The following RAPGEF1 variants were observed in gnomAD, a reference collection of about 807,000 sequenced individuals.
RAPGEF1 encodes CRK SH3-binding GNRP.
RAPGEF1 carries 33 observed loss-of-function variants against 143.3 expected under a neutral mutation model. The observed-to-expected ratio is 0.23, with a 90% CI of 0.17 to 0.31. RAPGEF1 has a LOEUF of 0.31. Ranked by LOEUF, RAPGEF1 falls within the 10% of genes least tolerant of loss-of-function variation. The pLI is 1.00. For synonymous variants in RAPGEF1, 629 were observed against 676.5 expected, an observed-to-expected ratio of 0.93 and a Z score of 1.09; for missense variants, 1,199 against 1,645.4, an observed-to-expected ratio of 0.73 and a Z score of 4.69.
Position 131,621,844 on chromosome 9 carries a change from C to A in RAPGEF1, c.1857G>T (p.Val619=). 6.2e-7 allele frequency: 1 copy of A among 1,611,220 alleles called. No individual in the cohort carries two copies. Among genetic ancestry groups the A allele is most frequent in the Non-Finnish European group, 8.5e-7 (1 of 1,178,792 alleles). Residue 619 remains valine (V), a synonymous_variant, in exon 11 of 27, where the codon GTG becomes GTT. Transcript: ENST00000683357. The surrounding 1 kb of genome is among the most constrained non-coding windows in gnomAD (Gnocchi z 4.5). ...GGGCGGGCGGCGGGGCCAGCTCCTG[C>A]ACGGAGTCCACCCCACTGAAGGAGT... The part of the protein sequence containing the change: ...FSDSFSGVDS[V]QELAPPPALP...
At chr9:131,619,308 T>A (rs541093933) in intron 11 of RAPGEF1, 102 bp from the exon 12 acceptor site, 3 of 1,026,894 alleles carry the variant, frequency 2.9e-6, no homozygotes, top group African/African-American at 3.3e-5. Context: ...GCTCTCCACA[T>A]CCTCTAACAG....
Position 131,583,484 on chromosome 9 carries a change from C to T in RAPGEF1, c.3415-782G>A, listed in dbSNP as rs1010671648. Among the ~76,000 whole-genome samples the T allele has an allele frequency of 1.3e-5, 2 of 151,136 alleles. No individual in the cohort carries two copies. Among genetic ancestry groups the T allele is most frequent in the Non-Finnish European group, 3.0e-5 (2 of 67,778 alleles). ...CTGACACGACCCCCAGGTGGCCTGG[C>T]TGACGCTCGGGTTCCTGACATGACC... On this transcript the variant is annotated intron_variant, in intron 24 of 26. Coordinates refer to ENST00000683357, the MANE Select transcript of RAPGEF1 (RefSeq NM_001377935.1). This position sits in a 1 kb window ranked among gnomAD's most constrained non-coding sequence, Gnocchi z 4.7.
At chr9:131,726,348 C>T (rs889634757) in intron 1 of RAPGEF1, among the ~76,000 whole-genome samples, 1 of 151,988 alleles carries the variant, frequency 6.6e-6, no homozygotes, top group African/African-American at 2.4e-5. Flanking sequence ...CAATGCTGGC[C>T]GGGCACAGTG....
In RAPGEF1 at chr9:131,580,311, C is replaced by T; in HGVS notation, c.3593G>A (p.Arg1198Gln). The change falls in exon 26 of 27, where the codon CGG becomes CAG. Residue 1198 changes from arginine (R) to glutamine (Q), a missense_variant. By Grantham distance (43) the Arg-to-Gln change is conservative. Around this residue, in one of 6 missense-constraint regions of RAPGEF1, gnomAD observed 67 missense variants for 105.4 expected, o/e 0.64. Transcript: ENST00000683357. ...GTCGAGGATGTTGAACTGCTGCCACCGCTTGGAGAAGTTCACTTTCCCGTC... is the reference window on the plus strand; with the variant it reads ...GTCGAGGATGTTGAACTGCTGCCACTGCTTGGAGAAGTTCACTTTCCCGTC... ...YIDGKVNFSK[R>Q]WQQFNILDSM... is the part of the protein sequence containing the mutation. The T allele has an allele frequency of 1.2e-6, 2 of 1,613,990 alleles. No individual in the cohort carries two copies. The highest frequency in any genetic ancestry group is 1.7e-6 in the Non-Finnish European group (2 of 1,179,864).
chr9:131,586,040 G>A (rs1223149001), intron 22 of RAPGEF1, among the ~76,000 whole-genome samples: 2 of 152,022 alleles, frequency 1.3e-5, no homozygotes, highest in African/African-American at 2.4e-5. Context: ...TTAGCTGGGT[G>A]TGGTGGCGAG....
At chr9:131,731,650 A>G (rs1310351680) in intron 1 of RAPGEF1, among the ~76,000 whole-genome samples, 1 of 152,308 alleles carries the variant, frequency 6.6e-6, no homozygotes, top group Non-Finnish European at 1.5e-5. Flanking sequence ...CAAATTTTAA[A>G]AGCTATAGAG....
chr9:131,617,122 T>C (rs944872709), intron 12 of RAPGEF1, among the ~76,000 whole-genome samples: 1 of 152,142 alleles, frequency 6.6e-6, no homozygotes, highest in Non-Finnish European at 1.5e-5. Flanking sequence ...TAGCGAACAG[T>C]CCAGTTCATT....
intron 9 of RAPGEF1, 37 bp downstream of exon 9, chr9:131,627,876 C>T (rs190290745): frequency 8.2e-5 from 128 of 1,555,922 alleles, no homozygotes; most frequent in Admixed American, 8.2e-4. Flanking sequence ...GAGAAGCCAC[C>T]GAGACACGAT....
chr9:131,689,238 A>T (rs367561053), intron 1 of RAPGEF1, among the ~76,000 whole-genome samples: 1 of 152,158 alleles, frequency 6.6e-6, no homozygotes, highest in East Asian at 1.9e-4. Flanking sequence ...ATGTAAGATG[A>T]TGGGGCAGAG....
At position 131,582,643 on chromosome 9, in the gene RAPGEF1, G is replaced by T; in HGVS notation, c.3474C>A (p.Ala1158=). The change falls in exon 25 of 27, where the codon GCC becomes GCA. Residue 1158 remains alanine (A), a synonymous_variant. Transcript: ENST00000683357. ...ACGGCGGTTCCACCTCCGAGAGGGC[G>T]GCCCGGTAGGCTCGGAAGGAGGACG... ...DSSSSFRAYR[A]ALSEVEPPCI... 6.5e-7 allele frequency: 1 copy of T among 1,534,234 alleles called. No individual in the cohort carries two copies. Among genetic ancestry groups the T allele is most frequent in the African/African-American group, 1.4e-5 (1 of 69,176 alleles).
At chr9:131,720,128 C>T (rs1053012041) in intron 1 of RAPGEF1, among the ~76,000 whole-genome samples, 2 of 152,116 alleles carry the variant, frequency 1.3e-5, no homozygotes, top group South Asian at 2.1e-4. Context: ...TCAGGTGATC[C>T]GCCCACCTTG....
chr9:131,692,784 G>A (rs1229198412), intron 1 of RAPGEF1, among the ~76,000 whole-genome samples: 3 of 152,130 alleles, frequency 2.0e-5, no homozygotes, highest in South Asian at 2.1e-4. Flanking sequence ...ATGAAAAAAC[G>A]GATCTGTCAT....
Position 131,589,948 on chromosome 9 carries a change from T to C in RAPGEF1, c.2805A>G (p.Thr935=), listed in dbSNP as rs1953909898. 6.2e-7 allele frequency: 1 copy of C among 1,613,770 alleles called. No individual in the cohort carries two copies. The highest frequency in any genetic ancestry group is 8.5e-7 in the Non-Finnish European group (1 of 1,179,794). ...RYEKFSPFAD[T]FKKRVSKNTF... ...TGTTCTTGCTGACGCGCTTCTTGAA[T>C]GTGTCGGCAAAGGGAGAGAATTTCT... The change falls in exon 19 of 27, where the codon ACA becomes ACG. Residue 935 remains threonine, a synonymous_variant. Coordinates refer to ENST00000683357, the MANE Select transcript of RAPGEF1 (RefSeq NM_001377935.1).
At chr9:131,701,533 G>C (rs1372274215) in intron 1 of RAPGEF1, among the ~76,000 whole-genome samples, 1 of 152,070 alleles carries the variant, frequency 6.6e-6, no homozygotes, top group Non-Finnish European at 1.5e-5. Context: ...TGGCATTATT[G>C]TAATACTGTA....
intron 1 of RAPGEF1, among the ~76,000 whole-genome samples, chr9:131,673,930 T>C (rs1299446708): frequency 6.6e-6 from 1 of 152,196 alleles, no homozygotes; most frequent in African/African-American, 2.4e-5. Context: ...GGTCCCTTGA[T>C]AATAAAAATA....
At chr9:131,602,187 C>A in intron 14 of RAPGEF1, 38 bp from the exon 15 acceptor site, 2 of 1,496,456 alleles carry the variant, frequency 1.3e-6, no homozygotes, top group Non-Finnish European at 1.8e-6. Flanking sequence ...TGGACAGGGG[C>A]CCTCTGCGGG....
chr9:131,634,450 C>T (rs192361144), intron 5 of RAPGEF1, among the ~76,000 whole-genome samples: 96 of 152,034 alleles, frequency 6.3e-4, no homozygotes, highest in African/African-American at 2.2e-3. Flanking sequence ...CGGTGGTTCA[C>T]GCCTGTCATC....
In RAPGEF1 at chr9:131,613,064, C is replaced by A. The variant is rs141452091; in HGVS notation, c.2061+5987G>T. On this transcript the variant is annotated intron_variant, in intron 12 of 26. Coordinates refer to ENST00000683357, the MANE Select transcript of RAPGEF1 (RefSeq NM_001377935.1). ...GACACAGGAAAGCAGCAGCCTCCCC[C>A]ACATGGCGACAGATCTGATGCTAAT... is the stretch of plus-strand genomic sequence containing the variant. 5.9e-5 allele frequency among the ~76,000 whole-genome samples: 9 copies of A among 152,314 alleles called. No individual in the cohort carries two copies. In the East Asian group the frequency reaches 7.7e-4, roughly 13 times the overall value.
chr9:131,667,162 G>A lies in RAPGEF1; in HGVS notation c.62-16213C>T, dbSNP rs1830570845. ...CTGCCACCACGCCTGGCTAAGTTTT[G>A]TATTTTTAGTAGAGATGGGGTTTCA... On this transcript the variant is annotated intron_variant, in intron 1 of 26. Transcript: ENST00000683357. The surrounding 1 kb of genome is among the most constrained non-coding windows in gnomAD (Gnocchi z 4.6). 1.3e-5 allele frequency among the ~76,000 whole-genome samples: 2 copies of A among 152,096 alleles called. No homozygotes were observed. The highest frequency in any genetic ancestry group is 4.8e-5 in the African/African-American group (2 of 41,402).
Sources: allele counts gnomAD v4.1 joint callset (sites outside exome capture counted in the v4.1 genomes callset), GRCh38; gene constraint gnomAD v4.1.1; regional missense constraint gnomAD v4.1.1; non-coding constraint Gnocchi (gnomAD v3.1); transcripts MANE v1.5; gene names NCBI Gene and HGNC (gene_info 2026-07-23, HGNC 2026-07-21).